Variants in PLCL2 observed in about 807,000 individuals in gnomAD.
The protein encoded by PLCL2 is inactive phospholipase C-like protein 2.
Under a neutral mutation model 79.6 loss-of-function variants are expected in PLCL2, and 4 were observed. The ratio of observed to expected loss-of-function variants is 0.05; its 90% CI spans 0.02 to 0.11. PLCL2 has a LOEUF of 0.11. Among genes scored for constraint, PLCL2 ranks in the 10% least tolerant of loss-of-function variants. PLCL2 has a pLI of 1.00. For synonymous variants in PLCL2, 484 were observed against 457.7 expected (o/e 1.06, Z -0.73); for missense variants, 895 against 1,291.0 (o/e 0.69, Z 4.70).
At chr3:17,035,705 G>A in intron 3 of PLCL2, 1 of 493,568 alleles carries the variant, frequency 2.0e-6, no homozygotes, top group South Asian at 1.5e-5. Context: ...ACTCTGCAGT[G>A]TAGAAGTTTA....
chr3:16,890,823 G>A (rs532586749), intron 1 of PLCL2, among the ~76,000 whole-genome samples: 3 of 152,346 alleles, frequency 2.0e-5, no homozygotes, highest in South Asian at 2.1e-4. Context: ...ACTGAAGTCA[G>A]AGCCGCTAGA....
At position 17,089,844 on chromosome 3, in the gene PLCL2, G is replaced by C; in HGVS notation, c.3316G>C (p.Asp1106His). 6.2e-7 allele frequency: 1 copy of C among 1,614,088 alleles called. No individual in the cohort carries two copies. Among genetic ancestry groups the C allele is most frequent in the Non-Finnish European group, 8.5e-7 (1 of 1,179,982 alleles). Residue 1106 changes from aspartate (D) to histidine (H), a missense_variant, in exon 6 of 6, where the codon GAT becomes CAT. Around this residue, in one of 6 missense-constraint regions of PLCL2, gnomAD observed 298 missense variants for 459.6 expected, o/e 0.65. Coordinates refer to ENST00000615277, the MANE Select transcript of PLCL2 (RefSeq NM_001144382.2). ...GAATAAACCAGGCACCGAAAATGCT[G>C]ATGTCCAGAAGCCACGCCGGAGCTT... ...GLNKPGTENA[D>H]VQKPRRSLEV...
At chr3:16,943,920 T>C (rs184175744) in intron 1 of PLCL2, among the ~76,000 whole-genome samples, 1 of 152,296 alleles carries the variant, frequency 6.6e-6, no homozygotes, top group East Asian at 1.9e-4. Context: ...AAAGGTGGAG[T>C]TGAGCTTGAT....
chr3:17,061,046 A>G (rs1202341303), intron 4 of PLCL2, among the ~76,000 whole-genome samples: 1 of 152,224 alleles, frequency 6.6e-6, no homozygotes, highest in Non-Finnish European at 1.5e-5. Context: ...CTCCTTATGA[A>G]GAATTTTTAA....
intron 1 of PLCL2, among the ~76,000 whole-genome samples, chr3:16,890,938 C>G (rs762297064): frequency 1.1e-4 from 17 of 152,194 alleles, no homozygotes; most frequent in Non-Finnish European, 2.2e-4. Context: ...AATGGTCCAG[C>G]CTTCTGGCAG....
At chr3:17,070,866 G>A (rs192406472) in intron 5 of PLCL2, among the ~76,000 whole-genome samples, 41 of 152,204 alleles carry the variant, frequency 2.7e-4, no homozygotes, top group Non-Finnish European at 1.5e-4. Flanking sequence ...AGATGACCCC[G>A]GAAATGCAGA....
At chr3:17,070,744 A>G (rs2065053503) in intron 5 of PLCL2, among the ~76,000 whole-genome samples, 1 of 152,146 alleles carries the variant, frequency 6.6e-6, no homozygotes, top group Admixed American at 6.5e-5. Flanking sequence ...AGTTCCTCCC[A>G]TTACTTTTTG....
At chr3:16,892,488 AGTT>A (rs1435066827) in intron 1 of PLCL2, among the ~76,000 whole-genome samples, 30 of 152,320 alleles carry the variant, frequency 2.0e-4, no homozygotes, top group South Asian at 6.2e-4. Flanking sequence ...GTTTTTGCTC[AGTT>A]GTTGTTTATT....
chr3:17,080,935 A>C (rs2065156654), intron 5 of PLCL2, among the ~76,000 whole-genome samples: 1 of 152,222 alleles, frequency 6.6e-6, no homozygotes, highest in Admixed American at 6.5e-5. Context: ...TGTGGGGTTC[A>C]ACTCTCTATA....
At chr3:17,056,109 C>A (rs980032070) in intron 4 of PLCL2, among the ~76,000 whole-genome samples, 2 of 152,186 alleles carry the variant, frequency 1.3e-5, no homozygotes, top group Non-Finnish European at 2.9e-5. Flanking sequence ...AATAGCAACT[C>A]TCAGGGTCAT....
At chr3:16,923,452 C>G (rs1697171366) in intron 1 of PLCL2, among the ~76,000 whole-genome samples, 1 of 152,168 alleles carries the variant, frequency 6.6e-6, no homozygotes, top group Non-Finnish European at 1.5e-5. Flanking sequence ...TTTCTGCCTG[C>G]CATTTCCTCT....
chr3:16,893,679 A>G (rs1360598099), intron 1 of PLCL2, among the ~76,000 whole-genome samples: 3 of 152,212 alleles, frequency 2.0e-5, no homozygotes, highest in African/African-American at 7.2e-5. Flanking sequence ...AATTGGAAAA[A>G]TTTGTTATGT....
intron 1 of PLCL2, among the ~76,000 whole-genome samples, chr3:16,908,720 A>C (rs1696806461): frequency 6.6e-6 from 1 of 152,170 alleles, no homozygotes; most frequent in African/African-American, 2.4e-5. Context: ...GGAGGTGGGC[A>C]GCTCAGGTTG....
chr3:17,040,344 G>T (rs2124918251), intron 3 of PLCL2, among the ~76,000 whole-genome samples: 1 of 152,260 alleles, frequency 6.6e-6, no homozygotes, highest in South Asian at 2.1e-4. Context: ...ATAGCTGGAA[G>T]GTGCATAATT....
intron 5 of PLCL2, among the ~76,000 whole-genome samples, chr3:17,080,630 T>C (rs1329843175): frequency 6.6e-6 from 1 of 152,158 alleles, no homozygotes; most frequent in African/African-American, 2.4e-5. Flanking sequence ...TTTGTATTTT[T>C]AGTAGAGACA....
At chr3:17,005,771 T>C (rs549387334) in intron 1 of PLCL2, among the ~76,000 whole-genome samples, 2 of 152,154 alleles carry the variant, frequency 1.3e-5, no homozygotes, top group Non-Finnish European at 2.9e-5. Context: ...TCAGGGTTGA[T>C]ATGGAGGTAG....
intron 4 of PLCL2, among the ~76,000 whole-genome samples, chr3:17,054,243 G>A (rs2064871818): frequency 6.6e-6 from 1 of 152,092 alleles, no homozygotes; most frequent in African/African-American, 2.4e-5. Context: ...CTAAAGCATA[G>A]CAAAAGTGAC....
intron 1 of PLCL2, among the ~76,000 whole-genome samples, chr3:16,894,095 T>C (rs144882350): frequency 7.0e-4 from 107 of 152,310 alleles, no homozygotes; most frequent in African/African-American, 2.4e-3. Flanking sequence ...CATATGACTC[T>C]CTCCATATGG....
chr3:17,066,582 A>G (rs1575613089), intron 4 of PLCL2, among the ~76,000 whole-genome samples: 2 of 152,274 alleles, frequency 1.3e-5, no homozygotes, highest in African/African-American at 4.8e-5. Context: ...AAAATTTACA[A>G]CAGTTCTAAA....
Sources: gnomAD v4.1 joint callset for allele counts (sites outside exome capture counted in the v4.1 genomes callset) on GRCh38, gnomAD v4.1.1 for gene constraint, gnomAD v4.1.1 regional missense constraint, MANE v1.5 for transcripts, NCBI Gene and HGNC (gene_info 2026-07-23, HGNC 2026-07-21) for gene names.